NCAM2: variants seen among roughly 807,000 people sequenced by gnomAD.
NCAM2 encodes the protein neural cell adhesion molecule 2.
In NCAM2, 30 loss-of-function variants were observed where a neutral mutation model predicts 98.1. That is an observed-to-expected ratio of 0.31 (90% CI 0.23 to 0.41). NCAM2 has a LOEUF of 0.41. Among genes scored for constraint, NCAM2 ranks in the 10% least tolerant of loss-of-function variants. NCAM2 has a pLI of 1.00. For synonymous variants in NCAM2, 368 were observed against 342.4 expected (o/e 1.07, Z -0.83); for missense variants, 867 against 1,005.8 (o/e 0.86, Z 1.87).
chr21:21,307,555 C>T, intron 5 of NCAM2, among the ~76,000 whole-genome samples: 1 of 152,270 alleles, frequency 6.6e-6, no homozygotes, highest in East Asian at 1.9e-4. Flanking sequence ...GTCAGCAAGA[C>T]TATGATCTTT....
At chr21:21,215,633 TAGG>T (rs971035905) in intron 1 of NCAM2, among the ~76,000 whole-genome samples, 7 of 151,934 alleles carry the variant, frequency 4.6e-5, no homozygotes, top group Non-Finnish European at 1.0e-4. Context: ...TAGGTTGAGG[TAGG>T]AGGTTTGCTT....
At chr21:21,199,501 G>A (rs142207050) in intron 1 of NCAM2, among the ~76,000 whole-genome samples, 260 of 152,304 alleles carry the variant, frequency 1.7e-3, no homozygotes, top group Non-Finnish European at 2.9e-3. Context: ...AGACATGGAG[G>A]CATGCTCCTG....
intron 15 of NCAM2, among the ~76,000 whole-genome samples, chr21:21,496,599 A>G (rs1021031742): frequency 6.6e-6 from 1 of 152,116 alleles, no homozygotes; most frequent in East Asian, 1.9e-4. Flanking sequence ...TTTGCTATAC[A>G]GAAGCTCTTT....
chr21:21,511,130 T>C lies in NCAM2; in HGVS notation c.2282+2075T>C, dbSNP rs543494460. ...TCTTTGTGCTAGGAACACATTCCAA[T>C]TCTCCTCCTTTAGTTATTTGTAAAT... On this transcript the variant is annotated intron_variant, in intron 16 of 17. Coordinates refer to ENST00000400546, the MANE Select transcript of NCAM2 (RefSeq NM_004540.5). Among the ~76,000 whole-genome samples the C allele has an allele frequency of 3.3e-5, 5 of 152,160 alleles. No homozygotes were observed. The East Asian group carries it at 9.7e-4, about 29-fold the overall frequency.
chr21:21,102,734 C>G (rs968237993), intron 1 of NCAM2, among the ~76,000 whole-genome samples: 9 of 151,760 alleles, frequency 5.9e-5, no homozygotes, highest in Non-Finnish European at 8.8e-5. Flanking sequence ...TATTCTGAAA[C>G]AGTTTGAAAA....
intron 9 of NCAM2, among the ~76,000 whole-genome samples, chr21:21,387,900 A>T (rs2076303210): frequency 6.6e-6 from 1 of 152,190 alleles, no homozygotes; most frequent in Non-Finnish European, 1.5e-5. Context: ...GAAAAAAGTA[A>T]AACAGTGCAG....
chr21:21,223,307 A>G (rs1433372624), intron 1 of NCAM2: 1 of 152,146 alleles, frequency 6.6e-6, no homozygotes, highest in Non-Finnish European at 1.5e-5. Flanking sequence ...TAGTATTTTT[A>G]AGAGATTTAC....
chr21:21,394,788 C>G (rs945315428), intron 9 of NCAM2, among the ~76,000 whole-genome samples: 1 of 152,000 alleles, frequency 6.6e-6, no homozygotes, highest in Admixed American at 6.6e-5. Context: ...TTATAAAGGT[C>G]TAAGAAAGAC....
intron 12 of NCAM2, among the ~76,000 whole-genome samples, chr21:21,465,380 A>G (rs2146208191): frequency 6.6e-6 from 1 of 152,108 alleles, no homozygotes; most frequent in African/African-American, 2.4e-5. Flanking sequence ...CAAGAATTCA[A>G]CACCAGCCTG....
rs972589723 is a variant in NCAM2 at position 21,538,619 on chromosome 21, T to A, written c.*662T>A. 6.6e-6 allele frequency: 1 copy of A among 152,334 alleles called. No individual in the cohort carries two copies. The highest frequency in any genetic ancestry group is 1.5e-5 in the Non-Finnish European group (1 of 68,008). The allele number at this position is 152,334 out of a possible 1,614,324, so 9.4% of individuals were successfully genotyped here. A position where few individuals can be genotyped will look rare whatever the true frequency, so the allele number is the denominator to read the frequency against. On this transcript the variant is annotated 3_prime_UTR_variant, in exon 18 of 18. Coordinates refer to ENST00000400546, the MANE Select transcript of NCAM2 (RefSeq NM_004540.5). Reference sequence around the variant, plus strand: ...CCCATTTGAAAGAATATTAGTTGTATATAAAATTAGATTAGAAAGACTTTC... The same window carrying A: ...CCCATTTGAAAGAATATTAGTTGTAAATAAAATTAGATTAGAAAGACTTTC...
At chr21:21,526,163 T>C (rs1444639354) in intron 16 of NCAM2, among the ~76,000 whole-genome samples, 9 of 151,986 alleles carry the variant, frequency 5.9e-5, no homozygotes, top group Admixed American at 5.2e-4. Context: ...ATAAAAGGCA[T>C]ATTGATTGGG....
chr21:21,230,865 A>G (rs1055469637), intron 1 of NCAM2, among the ~76,000 whole-genome samples: 1 of 151,350 alleles, frequency 6.6e-6, no homozygotes, highest in African/African-American at 2.4e-5. Context: ...TATGGAGTTC[A>G]GAACCATGGA....
chr21:21,448,005 A>T (rs1014850948), intron 12 of NCAM2, among the ~76,000 whole-genome samples: 8 of 152,160 alleles, frequency 5.3e-5, no homozygotes, highest in African/African-American at 1.9e-4. Flanking sequence ...AAAGATCTAG[A>T]ACCAGAAATA....
rs570611551 is a variant in NCAM2, at chr21:21,118,812, C to T, written c.55+120194C>T. Among the ~76,000 whole-genome samples the T allele has an allele frequency of 6.6e-5, 10 of 152,264 alleles. No individual in the cohort carries two copies. In the South Asian group the frequency reaches 2.1e-3, roughly 32 times the overall value. ...TGACAGCTCCCTTACTTGGCCCCAA[C>T]ACACACTTCTTAGTTTCTAATATAA... On this transcript the variant is annotated intron_variant, in intron 1 of 17. Transcript: ENST00000400546.
At chr21:21,386,212 G>T (rs745655240) in intron 9 of NCAM2, among the ~76,000 whole-genome samples, 2 of 152,064 alleles carry the variant, frequency 1.3e-5, no homozygotes, top group Non-Finnish European at 2.9e-5. Context: ...AGCATGATTG[G>T]TTAGATGTAT....
At chr21:21,044,704 G>C (rs554660335) in intron 1 of NCAM2, among the ~76,000 whole-genome samples, 1 of 152,284 alleles carries the variant, frequency 6.6e-6, no homozygotes, top group East Asian at 1.9e-4. Flanking sequence ...GGCAGCTCAT[G>C]CCTGTAATCC....
intron 1 of NCAM2, among the ~76,000 whole-genome samples, chr21:21,195,600 A>G (rs115787875): frequency 7.9e-4 from 121 of 152,360 alleles, no homozygotes; most frequent in African/African-American, 2.9e-3. Flanking sequence ...CTAGGTTTTT[A>G]TATGATAAGT....
At chr21:21,403,436 C>T (rs1295790666) in intron 9 of NCAM2, among the ~76,000 whole-genome samples, 1 of 152,122 alleles carries the variant, frequency 6.6e-6, no homozygotes, top group Non-Finnish European at 1.5e-5. Flanking sequence ...GTTGCCCTCC[C>T]AGAGCTGCAG....
At chr21:21,154,435 T>A (rs537206381) in intron 1 of NCAM2, among the ~76,000 whole-genome samples, 4 of 151,952 alleles carry the variant, frequency 2.6e-5, no homozygotes, top group Non-Finnish European at 5.9e-5. Context: ...GTTGTGAGGA[T>A]TTCATAGTGG....
Sources: gnomAD v4.1 joint callset for allele counts (sites outside exome capture counted in the v4.1 genomes callset) on GRCh38, gnomAD v4.1.1 for gene constraint, MANE v1.5 for transcripts, NCBI Gene and HGNC (gene_info 2026-07-23, HGNC 2026-07-21) for gene names.